PIAS1: variants seen among roughly 807,000 people sequenced by gnomAD.
The protein encoded by PIAS1 is protein inhibitor of activated STAT 1.
PIAS1 carries 6 observed loss-of-function variants against 71.3 expected under a neutral mutation model. The observed-to-expected ratio is 0.08, with a 90% CI of 0.05 to 0.17. The LOEUF (loss-of-function observed/expected upper bound fraction) is 0.17, where lower values mean the gene tolerates loss of function less well. Among genes scored for constraint, PIAS1 ranks in the 10% least tolerant of loss-of-function variants. The pLI, the probability that PIAS1 is intolerant of heterozygous loss-of-function variation, is 1.00. For missense variants in PIAS1, 555 were observed against 793.6 expected, an observed-to-expected ratio of 0.70 and a Z score of 3.61; for synonymous variants, 303 against 292.9, an observed-to-expected ratio of 1.03 and a Z score of -0.35.
At chr15:68,172,376 G>A (rs1019044730) in intron 8 of PIAS1, among the ~76,000 whole-genome samples, 1 of 152,150 alleles carries the variant, frequency 6.6e-6, no homozygotes, top group South Asian at 2.1e-4. Context: ...ATAAACATAC[G>A]TGTCCAGTGT....
chr15:68,119,852 A>G (rs1367143588), intron 2 of PIAS1, among the ~76,000 whole-genome samples: 3 of 152,246 alleles, frequency 2.0e-5, no homozygotes, highest in Non-Finnish European at 4.4e-5. Flanking sequence ...AAGCTCTACT[A>G]TTATGTACAT....
At chr15:68,090,453 T>C (rs1425699177) in intron 2 of PIAS1, among the ~76,000 whole-genome samples, 9 of 152,134 alleles carry the variant, frequency 5.9e-5, no homozygotes, top group Non-Finnish European at 1.3e-4. Flanking sequence ...TTATTAAATG[T>C]TTTTGTTTTG....
At chr15:68,120,213 T>G (rs1219071310) in intron 2 of PIAS1, among the ~76,000 whole-genome samples, 1 of 152,116 alleles carries the variant, frequency 6.6e-6, no homozygotes, top group Non-Finnish European at 1.5e-5. Context: ...ATACTTAAAG[T>G]GGATTTCTTA....
chr15:68,150,914 AT>A (rs968323621), intron 6 of PIAS1, among the ~76,000 whole-genome samples: 1 of 152,162 alleles, frequency 6.6e-6, no homozygotes, highest in Admixed American at 6.5e-5. Flanking sequence ...AGTCCCAAGC[AT>A]TTCGGATCAG....
At chr15:68,133,493 C>T (rs1189597037) in intron 2 of PIAS1, among the ~76,000 whole-genome samples, 3 of 151,596 alleles carry the variant, frequency 2.0e-5, no homozygotes. Context: ...GAAGCTATAA[C>T]AAAAAATAGA....
Position 68,164,783 on chromosome 15 carries a change from A to G in PIAS1, c.987A>G (p.Leu329=), listed in dbSNP as rs571300306. 1.9e-6 allele frequency: 3 copies of G among 1,594,394 alleles called. No homozygotes were observed. The highest frequency in any genetic ancestry group is 1.1e-5 in the South Asian group (1 of 88,760). ...DPDSEIATTS[L]RVSLLCPLGK... ...ACAGTGAAATAGCTACAACCAGCCTAAGGGTTTCTCTACTATGTCCAGTAA... is the reference window on the plus strand; with the variant it reads ...ACAGTGAAATAGCTACAACCAGCCTGAGGGTTTCTCTACTATGTCCAGTAA... Residue 329 remains leucine, a synonymous_variant, in exon 8 of 14, where the codon CTA becomes CTG. Transcript: ENST00000249636.
At chr15:68,154,107 C>G (rs1380751816) in intron 7 of PIAS1, 1 of 161,364 alleles carries the variant, frequency 6.2e-6, no homozygotes, top group East Asian at 1.8e-4. Context: ...AATAATAATT[C>G]TGCCATTAAT....
chr15:68,090,958 G>GTGTGTGTGTGTGTGTGTGTT (rs2092327872), intron 2 of PIAS1, among the ~76,000 whole-genome samples: 1 of 151,634 alleles, frequency 6.6e-6, no homozygotes, highest in Non-Finnish European at 1.5e-5. Flanking sequence ...GTGTGTGTGT[G>GTGTGTGTGTGTGTGTGTGTT]TGTGTATTTC....
chr15:68,154,259 T>TA (rs1437372981), intron 7 of PIAS1, among the ~76,000 whole-genome samples: 3 of 152,246 alleles, frequency 2.0e-5, no homozygotes, highest in Non-Finnish European at 2.9e-5. Context: ...TTTGTTTTGA[T>TA]ACGTTGAATT....
At chr15:68,088,174 GTGTATATA>G (rs2092300454) in intron 2 of PIAS1, among the ~76,000 whole-genome samples, 1 of 27,942 alleles carries the variant, frequency 3.6e-5, no homozygotes, top group Non-Finnish European at 6.8e-5. Context: ...GATTATGTGT[GTGTATATA>G]TATATATATA....
At chr15:68,179,564 C>CTTTTTT (rs766344324) in intron 11 of PIAS1, among the ~76,000 whole-genome samples, 1,695 of 40,042 alleles carry the variant, frequency 0.042, 538 homozygotes, top group Non-Finnish European at 0.053. Context: ...GTGAAATGTT[C>CTTTTTT]TTTTTTTTTT....
intron 1 of PIAS1, among the ~76,000 whole-genome samples, chr15:68,055,541 C>G (rs938151805): frequency 1.3e-4 from 19 of 151,922 alleles, no homozygotes; most frequent in East Asian, 3.9e-4. Context: ...AAATGGGGCT[C>G]CGCTTGAATA....
chr15:68,166,675 T>C (rs1472917184), intron 8 of PIAS1, among the ~76,000 whole-genome samples: 1 of 152,270 alleles, frequency 6.6e-6, no homozygotes, highest in African/African-American at 2.4e-5. Context: ...GCTTTATGTT[T>C]AACACATATA....
intron 2 of PIAS1, among the ~76,000 whole-genome samples, chr15:68,109,571 A>G (rs1356098895): frequency 6.6e-6 from 1 of 152,182 alleles, no homozygotes; most frequent in Admixed American, 6.5e-5. Context: ...TAGGCATTAT[A>G]TGGGTCCCAG....
intron 2 of PIAS1, among the ~76,000 whole-genome samples, chr15:68,124,481 G>A (rs1382368908): frequency 6.6e-6 from 1 of 151,756 alleles, no homozygotes; most frequent in Non-Finnish European, 1.5e-5. Flanking sequence ...CAGCACTTTG[G>A]GAGGCCGAGG....
intron 11 of PIAS1, among the ~76,000 whole-genome samples, chr15:68,179,534 A>G (rs914928023): frequency 1.4e-5 from 2 of 141,732 alleles, no homozygotes; most frequent in African/African-American, 5.2e-5. Context: ...CTATTCCTAG[A>G]AATCCAACCT....
intron 7 of PIAS1, among the ~76,000 whole-genome samples, chr15:68,155,416 A>G (rs1451551312): frequency 7.1e-6 from 1 of 140,122 alleles, no homozygotes; most frequent in East Asian, 2.7e-4. Flanking sequence ...TTACTAAAAA[A>G]CAGGTTATCT....
chr15:68,098,809 T>C (rs776546496), intron 2 of PIAS1, among the ~76,000 whole-genome samples: 1 of 152,200 alleles, frequency 6.6e-6, no homozygotes, highest in African/African-American at 2.4e-5. Context: ...GGGTAGTTTC[T>C]TGCTGTTGAA....
chr15:68,130,811 A>G (rs1163792958), intron 2 of PIAS1, among the ~76,000 whole-genome samples: 1 of 152,174 alleles, frequency 6.6e-6, no homozygotes, highest in African/African-American at 2.4e-5. Context: ...TAAAACCTTG[A>G]TAGAGATATA....
Sources: gnomAD v4.1 joint callset for allele counts (sites outside exome capture counted in the v4.1 genomes callset) on GRCh38, gnomAD v4.1.1 for gene constraint, MANE v1.5 for transcripts, NCBI Gene and HGNC (gene_info 2026-07-23, HGNC 2026-07-21) for gene names.